MYCBP2: variants seen among roughly 807,000 people sequenced by gnomAD.
MYCBP2 encodes E3 ubiquitin-protein ligase MYCBP2.
In MYCBP2, 120 loss-of-function variants were observed where a neutral mutation model predicts 525.3. The ratio of observed to expected loss-of-function variants is 0.23; its 90% CI spans 0.20 to 0.27. MYCBP2 has a LOEUF of 0.27. MYCBP2 is among the 10% of genes least tolerant of loss of function. MYCBP2 has a pLI of 1.00. For synonymous variants in MYCBP2, 1,894 were observed against 1,955.8 expected, an observed-to-expected ratio of 0.97 and a Z score of 0.83; for missense variants, 4,149 against 5,657.1, an observed-to-expected ratio of 0.73 and a Z score of 8.55.
chr13:77,072,543 GAAAT>G (rs1377013384), intron 68 of MYCBP2, among the ~76,000 whole-genome samples: 2 of 151,940 alleles, frequency 1.3e-5, no homozygotes, highest in Admixed American at 6.6e-5. Flanking sequence ...CATAGGGAAA[GAAAT>G]AAAGTTGTGA....
At chr13:77,238,653 T>G (rs1292751929) in intron 17 of MYCBP2, among the ~76,000 whole-genome samples, 1 of 152,170 alleles carries the variant, frequency 6.6e-6, no homozygotes, top group African/African-American at 2.4e-5. Flanking sequence ...TTAAAAAAAT[T>G]AACTAGACTA....
rs767129725 is a variant in MYCBP2 at position 77,176,546 on chromosome 13, G to A, written c.5423C>T (p.Ser1808Leu). The A allele has an allele frequency of 1.9e-6, 3 of 1,599,644 alleles. No individual in the cohort carries two copies. The highest frequency in any genetic ancestry group is 1.3e-5 in the African/African-American group (1 of 74,826). The change falls in exon 36 of 83, where the codon TCA (serine) becomes TTA (leucine). Residue 1808 changes from serine (S) to leucine (L), a missense_variant. Transcript: ENST00000544440. ...LVKGTYTTDDSPSDIAEIRLD... is the reference protein window; with the variant it reads ...LVKGTYTTDDLPSDIAEIRLD... ...TCTGATCTCAGCTATATCACTGGGT[G>A]AGTCATCCGTTGTGTACGTTCCTTT...
At chr13:77,210,247 C>T (rs989713788) in intron 23 of MYCBP2, among the ~76,000 whole-genome samples, 3 of 148,578 alleles carry the variant, frequency 2.0e-5, no homozygotes, top group African/African-American at 7.5e-5. Flanking sequence ...GGCTGGAGTG[C>T]AGTGGTGCGA....
At chr13:77,289,364 A>G (rs2077227930) in intron 2 of MYCBP2, among the ~76,000 whole-genome samples, 1 of 152,156 alleles carries the variant, frequency 6.6e-6, no homozygotes, top group African/African-American at 2.4e-5. Context: ...TAAAAAAGTA[A>G]TACATTATGA....
At chr13:77,253,268 G>A (rs1472154947) in intron 14 of MYCBP2, among the ~76,000 whole-genome samples, 2 of 151,614 alleles carry the variant, frequency 1.3e-5, no homozygotes, top group African/African-American at 2.4e-5. Flanking sequence ...TCTACTCCTA[G>A]GTATATACCC....
chr13:77,205,301 A>C lies in MYCBP2; in HGVS notation c.3798T>G (p.Gly1266=). The change falls in exon 26 of 83, where the codon GGT becomes GGG. Residue 1266 remains glycine, a synonymous_variant. Coordinates refer to ENST00000544440, the MANE Select transcript of MYCBP2 (RefSeq NM_015057.5). ...CTCCTCTACCTCCAAACAGACCAAGACCACCAAGTAAAATATCAGTGTCGG... is the reference window on the plus strand; with the variant it reads ...CTCCTCTACCTCCAAACAGACCAAGCCCACCAAGTAAAATATCAGTGTCGG... ...FSADTDILLG[G]LGLFGGRGEY... is the part of the protein sequence containing the mutation. 6.2e-7 allele frequency: 1 copy of C among 1,613,698 alleles called. No individual in the cohort carries two copies. Among genetic ancestry groups the C allele is most frequent in the Non-Finnish European group, 8.5e-7 (1 of 1,179,770 alleles).
Position 77,239,068 on chromosome 13 carries a change from C to T in MYCBP2, c.2629+3991G>A, listed in dbSNP as rs1208820193. The stretch of plus-strand genomic sequence containing the variant: ...CCGAGAGGCGGAGGTTGCAGTGAGC[C>T]GAGATCGCACCACTGCACTCCAGCC... On this transcript the variant is annotated intron_variant, in intron 17 of 82. Transcript: ENST00000544440. 2.0e-5 allele frequency among the ~76,000 whole-genome samples: 3 copies of T among 151,994 alleles called. No individual in the cohort carries two copies. The South Asian group carries it at 6.2e-4, about 32-fold the overall frequency.
intron 4 of MYCBP2, 54 bp from the exon 5 acceptor site, chr13:77,273,722 G>T: frequency 8.1e-7 from 1 of 1,237,602 alleles, no homozygotes; most frequent in Non-Finnish European, 1.1e-6. Context: ...AACATTATAT[G>T]CGTATATTTA....
chr13:77,307,275 C>G (rs2079558628), intron 1 of MYCBP2, among the ~76,000 whole-genome samples: 1 of 152,114 alleles, frequency 6.6e-6, no homozygotes, highest in Non-Finnish European at 1.5e-5. Flanking sequence ...TTTGCTCAAC[C>G]ATACATCCCT....
rs545584686 is a variant in MYCBP2 at position 77,194,327 on chromosome 13, T to A, written c.3844-83A>T. On this transcript the variant is annotated intron_variant, in intron 26 of 82. Coordinates refer to ENST00000544440, the MANE Select transcript of MYCBP2 (RefSeq NM_015057.5). ...AATGTGTTCATAATTTTGTGCATGA[T>A]GAATGTATGCTGGACCATACCAAAT... 2.1e-4 allele frequency: 218 copies of A among 1,018,906 alleles called. No homozygotes were observed. In the African/African-American group the frequency reaches 3.2e-3, roughly 15 times the overall value. 63.1% of individuals were successfully genotyped at this position (1,018,906 alleles called of 1,614,324 possible).
At position 77,125,377 on chromosome 13, in the gene MYCBP2, G is replaced by A. The variant is rs767257733; in HGVS notation, c.7976C>T (p.Ala2659Val). 6.2e-7 allele frequency: 1 copy of A among 1,613,972 alleles called. No individual in the cohort carries two copies. The highest frequency in any genetic ancestry group is 1.1e-5 in the South Asian group (1 of 91,080). Residue 2659 changes from alanine (A) to valine (V), a missense_variant, in exon 54 of 83, where the codon GCT (alanine) becomes GTT (valine). Coordinates refer to ENST00000544440, the MANE Select transcript of MYCBP2 (RefSeq NM_015057.5). ...ESDEGEAWSL[A>V]RDRGGNQYLR... is the part of the protein sequence containing the mutation. ...GTACTGGTTTCCGCCTCTGTCTCTAGCTAAGGACCATGCCTCTCCTTCATC... is the reference window on the plus strand; with the variant it reads ...GTACTGGTTTCCGCCTCTGTCTCTAACTAAGGACCATGCCTCTCCTTCATC...
intron 36 of MYCBP2, among the ~76,000 whole-genome samples, chr13:77,175,228 C>A (rs372799682): frequency 3.3e-5 from 5 of 151,240 alleles, no homozygotes; most frequent in Non-Finnish European, 7.4e-5. Context: ...CTACTGTGCC[C>A]GGCAATAAGG....
At chr13:77,056,862 G>A (rs902204203) in intron 79 of MYCBP2, 124 bp downstream of exon 79, 23 of 674,316 alleles carry the variant, frequency 3.4e-5, no homozygotes, top group Middle Eastern at 2.6e-4. Flanking sequence ...ACATGAATGA[G>A]AAGGGAAGAA....
At chr13:77,233,390 C>T in intron 17 of MYCBP2, 127 bp from the exon 18 acceptor site, 1 of 721,020 alleles carries the variant, frequency 1.4e-6, no homozygotes, top group South Asian at 2.0e-5. Context: ...TTATACTTTT[C>T]TTCCAATTTC....
At chr13:77,182,719 G>A (rs2060324126) in intron 32 of MYCBP2, among the ~76,000 whole-genome samples, 2 of 152,194 alleles carry the variant, frequency 1.3e-5, no homozygotes. Context: ...TGGATGCAAA[G>A]TTGCCTGGGA....
chr13:77,297,725 C>G (rs1004472698), intron 1 of MYCBP2, among the ~76,000 whole-genome samples: 19 of 152,126 alleles, frequency 1.2e-4, no homozygotes, highest in Non-Finnish European at 2.5e-4. Flanking sequence ...AACAAATAGA[C>G]AAGAGTAACA....
At position 77,050,930 on chromosome 13, in the gene MYCBP2, A is replaced by C. The variant is rs570176444; in HGVS notation, c.13921+67T>G. 3.7e-6 allele frequency: 5 copies of C among 1,357,848 alleles called. No individual in the cohort carries two copies. In the East Asian group the frequency reaches 1.2e-4, roughly 33 times the overall value. The allele number at this position is 1,357,848 out of a possible 1,614,324, so 84.1% of individuals were successfully genotyped here. A position where few individuals can be genotyped will look rare whatever the true frequency, so the allele number is the denominator to read the frequency against. ...TTCTGTCACTTGAAACAGAGCTTTC[A>C]TATAATGTTTACATAAAACTATGGT... On this transcript the variant is annotated intron_variant, in intron 82 of 82. Coordinates refer to ENST00000544440, the MANE Select transcript of MYCBP2 (RefSeq NM_015057.5).
chr13:77,139,145 A>G, intron 52 of MYCBP2, 51 bp downstream of exon 52: 1 of 1,568,120 alleles, frequency 6.4e-7, no homozygotes, highest in South Asian at 1.2e-5. Flanking sequence ...AAAGCTCTGT[A>G]AAACAAACAG....
At chr13:77,048,284 C>T (rs1041622893) in intron 82 of MYCBP2, among the ~76,000 whole-genome samples, 2 of 152,064 alleles carry the variant, frequency 1.3e-5, no homozygotes, top group Non-Finnish European at 2.9e-5. Context: ...CCAGACACCT[C>T]GACTGCTAAT....
Sources: gnomAD v4.1 joint callset for allele counts (sites outside exome capture counted in the v4.1 genomes callset) on GRCh38, gnomAD v4.1.1 for gene constraint, MANE v1.5 for transcripts, NCBI Gene and HGNC (gene_info 2026-07-23, HGNC 2026-07-21) for gene names.